ESR1: variants seen among roughly 807,000 people sequenced by gnomAD.
The protein encoded by ESR1 is estrogen receptor 1, also known as estrogen receptor.
A neutral mutation model predicts 52.7 loss-of-function variants in ESR1; 12 were observed. The ratio of observed to expected loss-of-function variants is 0.23; its 90% CI spans 0.15 to 0.37. ESR1 has a LOEUF of 0.37. ESR1 is among the 10% of genes least tolerant of loss of function. ESR1 has a pLI of 1.00. For synonymous variants in ESR1, 305 were observed against 316.8 expected (o/e 0.96, Z 0.39); for missense variants, 584 against 779.7 (o/e 0.75, Z 2.99).
Position 151,856,660 on chromosome 6 carries a change from A to T in ESR1, c.643+13873A>T, listed in dbSNP as rs916919889. Among the ~76,000 whole-genome samples the T allele has an allele frequency of 2.0e-5, 3 of 152,132 alleles. No homozygotes were observed. The South Asian group carries it at 6.2e-4, about 32-fold the overall frequency. On this transcript the variant is annotated intron_variant, in intron 2 of 7. Coordinates refer to ENST00000206249, the MANE Select transcript of ESR1 (RefSeq NM_000125.4). ...AATACTTTTTCTTAAGGTTGGTACT[A>T]TTGATGCACTTGGTGTAAACACATG...
At chr6:151,922,744 G>T (rs1387489736) in intron 3 of ESR1, among the ~76,000 whole-genome samples, 1 of 152,164 alleles carries the variant, frequency 6.6e-6, no homozygotes, top group Admixed American at 6.5e-5. Flanking sequence ...TGGGCTGTTG[G>T]TGTACTTGTT....
intron 3 of ESR1, among the ~76,000 whole-genome samples, chr6:151,937,689 T>C (rs1215805569): frequency 1.3e-5 from 2 of 152,182 alleles, no homozygotes; most frequent in East Asian, 3.9e-4. Context: ...TTAGAGGCTG[T>C]GATAACACTA....
chr6:151,855,180 C>T (rs1414324118), intron 2 of ESR1, among the ~76,000 whole-genome samples: 1 of 152,244 alleles, frequency 6.6e-6, no homozygotes, highest in Non-Finnish European at 1.5e-5. Context: ...TCCCAAAGTG[C>T]TGGGATTACA....
At chr6:152,023,181 A>AT (rs1487168380) in intron 5 of ESR1, among the ~76,000 whole-genome samples, 4 of 152,098 alleles carry the variant, frequency 2.6e-5, no homozygotes, top group African/African-American at 9.7e-5. Flanking sequence ...AAAAGAGAAA[A>AT]TGGGGGTGGA....
At chr6:151,753,379 G>A (rs904996934) in intron 2 of ESR1, among the ~76,000 whole-genome samples, 6 of 149,670 alleles carry the variant, frequency 4.0e-5, no homozygotes, top group Admixed American at 1.3e-4. Flanking sequence ...GTGCAGTGGC[G>A]TGATCTTGGC....
intron 2 of ESR1, among the ~76,000 whole-genome samples, chr6:151,851,652 C>T (rs562759399): frequency 2.4e-4 from 37 of 151,908 alleles, no homozygotes; most frequent in Non-Finnish European, 5.0e-4. Context: ...CTCAGCCTCC[C>T]GAGTAGCTAG....
intron 4 of ESR1, among the ~76,000 whole-genome samples, chr6:151,995,309 C>T (rs1163099153): frequency 6.6e-6 from 1 of 152,172 alleles, no homozygotes; most frequent in African/African-American, 2.4e-5. Flanking sequence ...ATCCATCTGT[C>T]CATCAGTCTA....
At chr6:151,689,927 A>G (rs1331860450), upstream of ESR1, among the ~76,000 whole-genome samples, 1 of 150,138 alleles carries the variant, frequency 6.7e-6, no homozygotes, top group Non-Finnish European at 1.5e-5. Context: ...TAAACAAACA[A>G]TCAATAACCT....
intron 1 of ESR1, among the ~76,000 whole-genome samples, chr6:151,663,438 G>A (rs1367111882): frequency 1.3e-5 from 2 of 152,188 alleles, no homozygotes; most frequent in South Asian, 2.1e-4. Context: ...AACTTGACTA[G>A]CATTGACTCA....
chr6:151,845,968 A>G (rs1028757015), intron 2 of ESR1, among the ~76,000 whole-genome samples: 1 of 152,194 alleles, frequency 6.6e-6, no homozygotes, highest in Non-Finnish European at 1.5e-5. Flanking sequence ...AGGGGGATAC[A>G]GACTGATAAA....
intron 2 of ESR1, among the ~76,000 whole-genome samples, chr6:151,759,161 G>C (rs529093744): frequency 5.9e-4 from 89 of 150,576 alleles, no homozygotes; most frequent in African/African-American, 2.1e-3. Flanking sequence ...TGTAGTCCCA[G>C]CTACTCAAGA....
chr6:151,729,171 A>G (rs1782059228), intron 2 of ESR1, among the ~76,000 whole-genome samples: 2 of 152,162 alleles, frequency 1.3e-5, no homozygotes, highest in Non-Finnish European at 2.9e-5. Context: ...GAAAAGGATT[A>G]GTGCCCTCAG....
chr6:151,940,070 A>G (rs901765314), intron 3 of ESR1, among the ~76,000 whole-genome samples: 1 of 152,188 alleles, frequency 6.6e-6, no homozygotes, highest in African/African-American at 2.4e-5. Context: ...TAATGAACTC[A>G]CAGTTCCACA....
Position 152,098,561 on chromosome 6 carries a change from G to A in ESR1, c.1554-171G>A, listed in dbSNP as rs1345296270. Among the ~76,000 whole-genome samples the A allele has an allele frequency of 6.6e-6, 1 of 152,070 alleles. No homozygotes were observed. The highest frequency in any genetic ancestry group is 1.5e-5 in the Non-Finnish European group (1 of 68,000). ...CCATGAGTTCCAGATTAGGGCTTCTGAAAGCCCTCAGCTTTCCCAGCTCCC... is the reference window on the plus strand; with the variant it reads ...CCATGAGTTCCAGATTAGGGCTTCTAAAAGCCCTCAGCTTTCCCAGCTCCC... On this transcript the variant is annotated intron_variant, in intron 7 of 7. Coordinates refer to ENST00000206249, the MANE Select transcript of ESR1 (RefSeq NM_000125.4). This position sits in a 1 kb window ranked among gnomAD's most constrained non-coding sequence, Gnocchi z 5.1.
rs1788245822 is a variant in ESR1, at chr6:151,858,310, G to T, written c.643+15523G>T. Reference sequence around the variant, plus strand: ...TCTAGGTCTTTACAGCTGCTGGCCTGACCAGCAAGGGTAAAATATTTCAGT... The same window carrying T: ...TCTAGGTCTTTACAGCTGCTGGCCTTACCAGCAAGGGTAAAATATTTCAGT... On this transcript the variant is annotated intron_variant, in intron 2 of 7. Coordinates refer to ENST00000206249, the MANE Select transcript of ESR1 (RefSeq NM_000125.4). 2.0e-5 allele frequency among the ~76,000 whole-genome samples: 3 copies of T among 152,298 alleles called. No homozygotes were observed. The South Asian group carries it at 6.2e-4, about 32-fold the overall frequency.
intron 3 of ESR1, among the ~76,000 whole-genome samples, chr6:151,884,733 G>A (rs1352638988): frequency 2.0e-5 from 3 of 152,086 alleles, no homozygotes; most frequent in Admixed American, 6.6e-5. Context: ...TTGCACTTTC[G>A]GGAATGTGCT....
At chr6:151,770,275 C>T (rs1785406909) in intron 2 of ESR1, among the ~76,000 whole-genome samples, 2 of 152,078 alleles carry the variant, frequency 1.3e-5, no homozygotes, top group Non-Finnish European at 2.9e-5. Context: ...AAATATTATG[C>T]AATACTTGCC....
At chr6:151,675,157 A>C (rs1224945627) in intron 1 of ESR1, among the ~76,000 whole-genome samples, 1 of 152,220 alleles carries the variant, frequency 6.6e-6, no homozygotes, top group Admixed American at 6.5e-5. Flanking sequence ...ATATTGCCAG[A>C]CTATATAAAA....
chr6:151,834,181 A>G (rs1782902580), intron 1 of ESR1, among the ~76,000 whole-genome samples: 1 of 152,236 alleles, frequency 6.6e-6, no homozygotes, highest in Non-Finnish European at 1.5e-5. Flanking sequence ...CATTTGGCCC[A>G]GCAATCCCAT....
Sources: gnomAD v4.1 joint callset for allele counts (sites outside exome capture counted in the v4.1 genomes callset) on GRCh38, gnomAD v4.1.1 for gene constraint, Gnocchi (gnomAD v3.1) non-coding constraint, MANE v1.5 for transcripts, NCBI Gene and HGNC (gene_info 2026-07-23, HGNC 2026-07-21) for gene names.